The following DSTYK variants were observed in gnomAD, a reference collection of about 807,000 sequenced individuals.
The protein encoded by DSTYK is dual serine/threonine and tyrosine protein kinase.
DSTYK carries 34 observed loss-of-function variants against 98.7 expected under a neutral mutation model. That is an observed-to-expected ratio of 0.34 (90% CI 0.26 to 0.46). The LOEUF is 0.46. DSTYK is among the 20% of genes least tolerant of loss of function. DSTYK has a pLI of 1.00. For synonymous variants in DSTYK, 462 were observed against 457.3 expected, an observed-to-expected ratio of 1.01 and a Z score of -0.13; for missense variants, 962 against 1,181.7, an observed-to-expected ratio of 0.81 and a Z score of 2.73.
At chr1:205,179,946 G>A (rs889380242) in intron 2 of DSTYK, among the ~76,000 whole-genome samples, 1 of 152,116 alleles carries the variant, frequency 6.6e-6, no homozygotes, top group African/African-American at 2.4e-5. Flanking sequence ...GAAGCCATTT[G>A]GTGCAGGAAA....
At position 205,164,056 on chromosome 1, in the gene DSTYK, G is replaced by A. The variant is rs1039081340; in HGVS notation, c.1325-101C>T. 54 of 933,856 alleles carry A rather than the reference G, an allele frequency of 5.8e-5. No homozygotes were observed. The South Asian group carries it at 7.6e-4, about 13-fold the overall frequency. The allele number at this position is 933,856 out of a possible 1,614,324, so 57.8% of individuals were successfully genotyped here. On this transcript the variant is annotated intron_variant, in intron 3 of 12. Coordinates refer to ENST00000367162, the MANE Select transcript of DSTYK (RefSeq NM_015375.3). ...ATCAGAACCATGGAACTACCGTGATGATGATGGCTGCAAAAAGACATGATT... is the reference window on the plus strand; with the variant it reads ...ATCAGAACCATGGAACTACCGTGATAATGATGGCTGCAAAAAGACATGATT...
intron 1 of DSTYK, among the ~76,000 whole-genome samples, chr1:205,208,343 C>T (rs576307173): frequency 3.0e-4 from 46 of 152,268 alleles, no homozygotes; most frequent in African/African-American, 1.1e-3. Flanking sequence ...TATGGCATTA[C>T]AAATGGTATA....
At chr1:205,161,412 A>C (rs761750984) in intron 6 of DSTYK, 25 bp from the exon 7 acceptor site, 1 of 1,613,568 alleles carries the variant, frequency 6.2e-7, no homozygotes, top group East Asian at 2.2e-5. Context: ...GAAAAAGTAC[A>C]TATGACTTAA....
rs77295412 is a variant in DSTYK at position 205,196,036 on chromosome 1, A to G, written c.266-8230T>C. Among the ~76,000 whole-genome samples, 1,310 of 152,336 alleles carry G rather than the reference A, an allele frequency of 8.6e-3. 22 individuals are homozygous for G. Among genetic ancestry groups the G allele is most frequent in the African/African-American group, 0.03 (1,254 of 41,580 alleles). Reference sequence around the variant, plus strand: ...GTATAACAGTTTATAAGCATTACCAATGATCCAAAGGTGGGAATATGTCAA... The same window carrying G: ...GTATAACAGTTTATAAGCATTACCAGTGATCCAAAGGTGGGAATATGTCAA... On this transcript the variant is annotated intron_variant, in intron 1 of 12. Transcript: ENST00000367162.
intron 1 of DSTYK, among the ~76,000 whole-genome samples, chr1:205,210,062 G>A (rs1322424679): frequency 6.6e-6 from 1 of 151,954 alleles, no homozygotes; most frequent in Non-Finnish European, 1.5e-5. Flanking sequence ...CACCACACCT[G>A]GCTAGTTTCT....
chr1:205,191,426 ACT>A (rs1658709952), intron 1 of DSTYK, among the ~76,000 whole-genome samples: 1 of 152,106 alleles, frequency 6.6e-6, no homozygotes, highest in South Asian at 2.1e-4. Context: ...AGGCTTTGCC[ACT>A]CTGACTAGCT....
chr1:205,175,703 T>A (rs1360455647), intron 2 of DSTYK, among the ~76,000 whole-genome samples: 1 of 152,034 alleles, frequency 6.6e-6, no homozygotes, highest in Non-Finnish European at 1.5e-5. Flanking sequence ...AAAATTAATA[T>A]AAAGAGGATG....
In DSTYK at chr1:205,211,644, C is replaced by A; in HGVS notation, c.-109G>T. On this transcript the variant is annotated 5_prime_UTR_variant, in exon 1 of 13. Transcript: ENST00000367162. The stretch of plus-strand genomic sequence containing the variant: ...AGGAGGAATCCGCCTCCTGACGCCC[C>A]CGCCTGCAGTCAGCCTGGCTCCCAA... 3 of 1,363,762 alleles carry A rather than the reference C, an allele frequency of 2.2e-6. No individual in the cohort carries two copies. Among genetic ancestry groups the A allele is most frequent in the Non-Finnish European group, 2.9e-6 (3 of 1,051,824 alleles). 84.5% of individuals were successfully genotyped at this position (1,363,762 alleles called of 1,614,324 possible). A position where few individuals can be genotyped will look rare whatever the true frequency, so the allele number is the denominator to read the frequency against.
intron 1 of DSTYK, among the ~76,000 whole-genome samples, chr1:205,198,460 T>C (rs981193878): frequency 6.6e-6 from 1 of 152,190 alleles, no homozygotes; most frequent in Non-Finnish European, 1.5e-5. Flanking sequence ...GGGGTTCTTA[T>C]ATACTAAAAA....
intron 2 of DSTYK, among the ~76,000 whole-genome samples, chr1:205,174,327 A>G (rs758732115): frequency 2.0e-5 from 3 of 151,988 alleles, no homozygotes; most frequent in Non-Finnish European, 4.4e-5. Flanking sequence ...AGCTTGGCCA[A>G]TATGGTGAAA....
At chr1:205,182,802 G>C (rs1279176154) in intron 2 of DSTYK, among the ~76,000 whole-genome samples, 2 of 147,232 alleles carry the variant, frequency 1.4e-5, no homozygotes, top group Non-Finnish European at 3.0e-5. Flanking sequence ...GTAAGACTCC[G>C]TCTCAAAAAA....
chr1:205,200,909 ATT>A (rs113337026), intron 1 of DSTYK, among the ~76,000 whole-genome samples: 1 of 146,218 alleles, frequency 6.8e-6, no homozygotes, highest in Non-Finnish European at 1.5e-5. Context: ...TAATAATTTA[ATT>A]TTTTTTTTTT....
At chr1:205,194,322 G>C (rs1026559200) in intron 1 of DSTYK, among the ~76,000 whole-genome samples, 1 of 152,106 alleles carries the variant, frequency 6.6e-6, no homozygotes, top group Non-Finnish European at 1.5e-5. Flanking sequence ...ATACATACTC[G>C]TGAAAGGTAA....
intron 2 of DSTYK, among the ~76,000 whole-genome samples, chr1:205,171,015 CTTCT>C: frequency 7.0e-6 from 1 of 142,200 alleles, no homozygotes; most frequent in African/African-American, 2.5e-5. Context: ...TAGCTTCAGA[CTTCT>C]TTCATGTAAG....
At chr1:205,205,366 A>G (rs1421494731) in intron 1 of DSTYK, among the ~76,000 whole-genome samples, 1 of 152,084 alleles carries the variant, frequency 6.6e-6, no homozygotes, top group Non-Finnish European at 1.5e-5. Context: ...CCCTTCCCCA[A>G]ATGTCACTCT....
intron 2 of DSTYK, among the ~76,000 whole-genome samples, chr1:205,183,199 T>C (rs1205183403): frequency 2.0e-5 from 3 of 152,070 alleles, no homozygotes; most frequent in African/African-American, 7.2e-5. Flanking sequence ...TATACATGCT[T>C]GAAGGAAAGG....
chr1:205,203,880 A>T (rs1426502848), intron 1 of DSTYK, among the ~76,000 whole-genome samples: 1 of 151,442 alleles, frequency 6.6e-6, no homozygotes, highest in Non-Finnish European at 1.5e-5. Context: ...ATGCCACTGC[A>T]CTCCAGCCTG....
chr1:205,206,717 G>GGGTTA (rs1659214770), intron 1 of DSTYK, among the ~76,000 whole-genome samples: 1 of 151,392 alleles, frequency 6.6e-6, no homozygotes, highest in Non-Finnish European at 1.5e-5. Flanking sequence ...TGAGTAGCTG[G>GGGTTA]CATACAGGCA....
intron 2 of DSTYK, 60 bp downstream of exon 2, chr1:205,187,357 CA>C: frequency 1.3e-6 from 2 of 1,509,678 alleles, no homozygotes; most frequent in Non-Finnish European, 1.8e-6. Context: ...TTTAGAAAGT[CA>C]AAATAAAAGG....
Sources: gnomAD v4.1 joint callset for allele counts (sites outside exome capture counted in the v4.1 genomes callset) on GRCh38, gnomAD v4.1.1 for gene constraint, MANE v1.5 for transcripts, NCBI Gene and HGNC (gene_info 2026-07-23, HGNC 2026-07-21) for gene names.